The following NSD3 variants were observed in gnomAD, a reference collection of about 807,000 sequenced individuals.
The protein encoded by NSD3 is nuclear receptor binding SET domain protein 3.
Under a neutral mutation model 160.8 loss-of-function variants are expected in NSD3, and 24 were observed. That is an observed-to-expected ratio of 0.15 (90% confidence interval 0.11 to 0.21). The LOEUF (loss-of-function observed/expected upper bound fraction) is 0.21. Among genes scored for constraint, NSD3 ranks in the 10% least tolerant of loss-of-function variants. NSD3 has a pLI of 1.00. For missense variants in NSD3, 1,157 were observed against 1,735.9 expected, an observed-to-expected ratio of 0.67 and a Z score of 5.93; for synonymous variants, 520 against 600.0, an observed-to-expected ratio of 0.87 and a Z score of 1.95.
At chr8:38,381,094 C>G (rs1811537484) in intron 1 of NSD3, among the ~76,000 whole-genome samples, 1 of 152,060 alleles carries the variant, frequency 6.6e-6, no homozygotes, top group Non-Finnish European at 1.5e-5. Context: ...GAACAAAAGG[C>G]CTCCCTTCCT....
chr8:38,378,632 A>C (rs1004343030), intron 1 of NSD3, among the ~76,000 whole-genome samples: 3 of 151,872 alleles, frequency 2.0e-5, no homozygotes, highest in Non-Finnish European at 2.9e-5. Flanking sequence ...ACAGAGCGAG[A>C]CTCCGTCTCA....
chr8:38,275,857 C>T lies in NSD3; in HGVS notation c.4098G>A (p.Gln1366=). The T allele has an allele frequency of 6.2e-7, 1 of 1,614,108 alleles. No individual in the cohort carries two copies. Among genetic ancestry groups the T allele is most frequent in the Non-Finnish European group, 8.5e-7 (1 of 1,180,006 alleles). The change falls in exon 24 of 24, where the codon CAG becomes CAA. Residue 1366 remains glutamine (Q), a synonymous_variant. Coordinates refer to ENST00000317025, the MANE Select transcript of NSD3 (RefSeq NM_023034.2). The part of the protein sequence containing the change: ...PYGKWECPWH[Q]CDECSSAAVS... The stretch of plus-strand genomic sequence containing the variant: ...CAGCTGCACTGCTGCACTCATCGCA[C>T]TGATGCCACGGACACTCCCACTTTC...
intron 1 of NSD3, among the ~76,000 whole-genome samples, chr8:38,355,635 T>C (rs1371291396): frequency 6.6e-6 from 1 of 152,116 alleles, no homozygotes; most frequent in Non-Finnish European, 1.5e-5. Flanking sequence ...GATGTGGAAG[T>C]AAGGTGTTCT....
In NSD3 at chr8:38,275,614, A is replaced by C; in HGVS notation, c.*27T>G. On this transcript the variant is annotated 3_prime_UTR_variant, in exon 24 of 24. Coordinates refer to ENST00000317025, the MANE Select transcript of NSD3 (RefSeq NM_023034.2). ...CATGATCTATTTGCTTTTTTCACTT[A>C]AATAGAAAGGAGGGGACACCACACA... 3 of 1,592,898 alleles carry C rather than the reference A, an allele frequency of 1.9e-6. No homozygotes were observed. Among genetic ancestry groups the C allele is most frequent in the Non-Finnish European group, 2.6e-6 (3 of 1,167,256 alleles).
chr8:38,380,490 C>A (rs1395909768), intron 1 of NSD3: 1 of 152,138 alleles, frequency 6.6e-6, no homozygotes, highest in African/African-American at 2.4e-5. Flanking sequence ...ATTTTCAATA[C>A]GTAAAAGACT....
At chr8:38,320,968 G>T in intron 8 of NSD3, 104 bp downstream of exon 8, 2 of 1,101,220 alleles carry the variant, frequency 1.8e-6, no homozygotes, top group East Asian at 4.8e-5. Flanking sequence ...AGTCCAGAAA[G>T]GAAACTCAGT....
rs1024326745 is a variant in NSD3, at chr8:38,317,789, G to A, written c.1855+1106C>T. 1.4e-6 allele frequency: 2 copies of A among 1,430,468 alleles called. No individual in the cohort carries two copies. The highest frequency in any genetic ancestry group is 1.8e-6 in the Non-Finnish European group (2 of 1,096,218). The allele number at this position is 1,430,468 out of a possible 1,614,324, so 88.6% of individuals were successfully genotyped here. On this transcript the variant is annotated intron_variant, in intron 9 of 23. Transcript: ENST00000317025. The surrounding 1 kb of genome is among the most constrained non-coding windows in gnomAD (Gnocchi z 5.3). ...AAAAAAAAATCATTTGACTGTTAAA[G>A]CAATTGTTCAGAGTCTTGAAGAAGA...
chr8:38,381,641 CG>C (rs1401462535), intron 1 of NSD3, 157 bp downstream of exon 1: 2 of 149,558 alleles, frequency 1.3e-5, no homozygotes, highest in Admixed American at 1.3e-4. Flanking sequence ...TCAGGCCACC[CG>C]CTTCCCCTTC....
At chr8:38,362,977 CTT>C (rs1222452694) in intron 1 of NSD3, among the ~76,000 whole-genome samples, 1 of 152,176 alleles carries the variant, frequency 6.6e-6, no homozygotes, top group African/African-American at 2.4e-5. Context: ...ATTTAGGTGT[CTT>C]TGAGTAACTT....
intron 1 of NSD3, among the ~76,000 whole-genome samples, chr8:38,369,727 T>C (rs2978078): frequency 0.05 from 7,590 of 152,272 alleles, 283 homozygotes; most frequent in Non-Finnish European, 0.08. Flanking sequence ...GAAGTGGGGA[T>C]AGGAACTCAG....
intron 2 of NSD3, among the ~76,000 whole-genome samples, chr8:38,344,247 G>A (rs186083410): frequency 1.3e-5 from 2 of 152,150 alleles, no homozygotes; most frequent in Admixed American, 6.5e-5. Flanking sequence ...AAAAGTAGCA[G>A]GTGAAATCTT....
At chr8:38,296,765 G>C (rs1809160719) in intron 15 of NSD3, among the ~76,000 whole-genome samples, 1 of 151,260 alleles carries the variant, frequency 6.6e-6, no homozygotes, top group Admixed American at 6.6e-5. Context: ...AATATATTTT[G>C]AGACGGGCTC....
chr8:38,342,078 C>G (rs963712650), intron 2 of NSD3, among the ~76,000 whole-genome samples: 1 of 152,020 alleles, frequency 6.6e-6, no homozygotes. Context: ...AAATCACTTT[C>G]AAAGAATTAA....
At chr8:38,280,690 T>TAG (rs937444672) in intron 20 of NSD3, among the ~76,000 whole-genome samples, 26 of 151,812 alleles carry the variant, frequency 1.7e-4, no homozygotes, top group African/African-American at 6.3e-4. Flanking sequence ...AAATAGGTCT[T>TAG]ACAACTGCAG....
chr8:38,270,562 A>T lies in NSD3; in HGVS notation c.*5079T>A, dbSNP rs1459038297. ...TGAGATAAAATAATGACAACCAAGT[A>T]AGTTTTATCCAGTCCATTTCTAAAC... On this transcript the variant is annotated 3_prime_UTR_variant, in exon 24 of 24. Transcript: ENST00000317025. 6.6e-6 allele frequency: 1 copy of T among 152,250 alleles called. No homozygotes were observed. The highest frequency in any genetic ancestry group is 6.5e-5 in the Admixed American group (1 of 15,292). 9.4% of individuals were successfully genotyped at this position (152,250 alleles called of 1,614,324 possible). A position where few individuals can be genotyped will look rare whatever the true frequency, so the allele number is the denominator to read the frequency against.
chr8:38,311,050 G>T, intron 12 of NSD3, among the ~76,000 whole-genome samples: 1 of 145,978 alleles, frequency 6.9e-6, no homozygotes, highest in East Asian at 2.0e-4. Flanking sequence ...ATCTCATTGT[G>T]GCTTTGATTT....
intron 19 of NSD3, among the ~76,000 whole-genome samples, chr8:38,285,365 T>G (rs1046628649): frequency 2.0e-5 from 3 of 152,254 alleles, no homozygotes; most frequent in African/African-American, 7.2e-5. Flanking sequence ...GGGGACTGAC[T>G]GTGTACATTC....
At position 38,315,429 on chromosome 8, in the gene NSD3, T is replaced by A; in HGVS notation, c.2102A>T (p.Asp701Val). 6.3e-7 allele frequency: 1 copy of A among 1,588,294 alleles called. No homozygotes were observed. Among genetic ancestry groups the A allele is most frequent in the Non-Finnish European group, 8.5e-7 (1 of 1,172,196 alleles). Residue 701 changes from aspartate to valine, a missense_variant, in exon 11 of 24, where the codon GAC becomes GTC. Coordinates refer to ENST00000317025, the MANE Select transcript of NSD3 (RefSeq NM_023034.2). ...TTACCTGCCTACCTGACATACAGTG[T>A]CCTTCTTACTCATTCCAGTGCCTCT... ...SRRGTGMSKK[D>V]TVCQICESSG...
At chr8:38,375,062 A>AT (rs1811356328) in intron 1 of NSD3, among the ~76,000 whole-genome samples, 1 of 152,176 alleles carries the variant, frequency 6.6e-6, no homozygotes, top group Admixed American at 6.5e-5. Flanking sequence ...CTAACTTCAC[A>AT]TTTTTAAAAA....
Sources: allele counts gnomAD v4.1 joint callset (sites outside exome capture counted in the v4.1 genomes callset), GRCh38; gene constraint gnomAD v4.1.1; non-coding constraint Gnocchi (gnomAD v3.1); transcripts MANE v1.5; gene names NCBI Gene and HGNC (gene_info 2026-07-23, HGNC 2026-07-21).